Variants in AK3 observed in about 807,000 individuals in gnomAD.
The protein encoded by AK3 is GTP:AMP phosphotransferase AK3, mitochondrial.
Under a neutral mutation model 23.7 loss-of-function variants are expected in AK3, and 27 were observed. The ratio of observed to expected loss-of-function variants is 1.14; its 90% confidence interval spans 0.84 to 1.57. The LOEUF (loss-of-function observed/expected upper bound fraction) is 1.57. AK3 is among the 40% of genes most tolerant of loss of function. The probability of loss-of-function intolerance (pLI) is 0.00; values close to 1 mark genes in which losing one functional copy is unlikely to be tolerated. For missense variants in AK3, 406 were observed against 285.6 expected, an observed-to-expected ratio of 1.42 and a Z score of -3.04; for synonymous variants, 159 against 116.0, an observed-to-expected ratio of 1.37 and a Z score of -2.38.
Position 4,740,973 on chromosome 9 carries a change from C to G in AK3, c.115G>C (p.Gly39Arg). ...THFELKHLSS[G>R]DLLRDNMLRG... is the part of the protein sequence containing the mutation. Reference sequence around the variant, plus strand: ...AGCATGTTGTCCCGGAGCAGGTCCCCGCTGGAGAGGTGCTTCAGCTCGAAG... The same window carrying G: ...AGCATGTTGTCCCGGAGCAGGTCCCGGCTGGAGAGGTGCTTCAGCTCGAAG... The change falls in exon 1 of 5, where the codon GGG becomes CGG. Residue 39 changes from glycine (G) to arginine (R), a missense_variant. Physicochemically the swap from Gly to Arg is moderately radical, Grantham distance 125 (BLOSUM62 -2). Transcript: ENST00000381809. 6.3e-7 allele frequency: 1 copy of G among 1,586,098 alleles called. No homozygotes were observed. Among genetic ancestry groups the G allele is most frequent in the Non-Finnish European group, 8.6e-7 (1 of 1,168,494 alleles).
At position 4,719,302 on chromosome 9, in the gene AK3, G is replaced by T. The variant is rs1298278671; in HGVS notation, c.277C>A (p.Pro93Thr). Residue 93 changes from proline to threonine, a missense_variant, in exon 3 of 5, where the codon CCA becomes ACA. Transcript: ENST00000381809. Reference sequence around the variant, plus strand: ...GCTTCTGCCTGTGGAAGTGTCCTTGGAAAACCTTTATAAAGTAAAAAAGAA... The same window carrying T: ...GCTTCTGCCTGTGGAAGTGTCCTTGTAAAACCTTTATAAAGTAAAAAAGAA... ...TQYSWLLDGF[P>T]RTLPQAEALD... 1 of 1,273,214 alleles carries T rather than the reference G, an allele frequency of 7.9e-7. No individual in the cohort carries two copies. Among genetic ancestry groups the T allele is most frequent in the East Asian group, 5.5e-5 (1 of 18,156 alleles). 78.9% of individuals were successfully genotyped at this position (1,273,214 alleles called of 1,614,324 possible). A position where few individuals can be genotyped will look rare whatever the true frequency, so the allele number is the denominator to read the frequency against.
At position 4,712,757 on chromosome 9, in the gene AK3, G is replaced by A; in HGVS notation, c.*219C>T. 1 of 380,232 alleles carries A rather than the reference G, an allele frequency of 2.6e-6. No individual in the cohort carries two copies. The allele number at this position is 380,232 out of a possible 1,614,324, so 23.6% of individuals were successfully genotyped here. ...GTTCAGACATCGCTGATGTTTTTGAGGATAACTGCATACAACACACTAGAT... is the reference window on the plus strand; with the variant it reads ...GTTCAGACATCGCTGATGTTTTTGAAGATAACTGCATACAACACACTAGAT... On this transcript the variant is annotated 3_prime_UTR_variant, in exon 5 of 5. Coordinates refer to ENST00000381809, the MANE Select transcript of AK3 (RefSeq NM_016282.4).
At chr9:4,723,230 T>C (rs920896252) in intron 1 of AK3, among the ~76,000 whole-genome samples, 31 of 152,358 alleles carry the variant, frequency 2.0e-4, no homozygotes, top group African/African-American at 7.5e-4. Flanking sequence ...ATTGAGTGGT[T>C]TTGAAAATAT....
intron 1 of AK3, among the ~76,000 whole-genome samples, chr9:4,729,018 T>A (rs1444292333): frequency 8.9e-5 from 13 of 145,642 alleles, no homozygotes; most frequent in African/African-American, 3.0e-4. Flanking sequence ...TATATATATT[T>A]TTTTTTTTTG....
At chr9:4,721,322 G>C (rs1218610607) in intron 2 of AK3, among the ~76,000 whole-genome samples, 1 of 151,040 alleles carries the variant, frequency 6.6e-6, no homozygotes, top group Non-Finnish European at 1.5e-5. Context: ...AGAATCACTT[G>C]AACTGAGGAG....
rs159878 is a variant in AK3 at position 4,709,615 on chromosome 9, T to C, written c.*3361A>G. ...TATATGGAAAAATCAGTGTTTATAT[T>C]ATTTAGTGAGCTAAAAACAAATAAA... On this transcript the variant is annotated 3_prime_UTR_variant, in exon 5 of 5. Transcript: ENST00000381809. The C allele has an allele frequency of 0.62, 93,842 of 151,982 alleles. 30,838 individuals are homozygous for C. The highest frequency in any genetic ancestry group is 0.84 in the African/African-American group (34,958 of 41,482). 9.4% of individuals were successfully genotyped at this position (151,982 alleles called of 1,614,324 possible).
Position 4,712,217 on chromosome 9 carries a change from A to T in AK3, c.*759T>A, listed in dbSNP as rs1841579802. 6.6e-6 allele frequency: 1 copy of T among 152,196 alleles called. No homozygotes were observed. 9.4% of individuals were successfully genotyped at this position (152,196 alleles called of 1,614,324 possible). A position where few individuals can be genotyped will look rare whatever the true frequency, so the allele number is the denominator to read the frequency against. On this transcript the variant is annotated 3_prime_UTR_variant, in exon 5 of 5. Coordinates refer to ENST00000381809, the MANE Select transcript of AK3 (RefSeq NM_016282.4). The stretch of plus-strand genomic sequence containing the variant: ...CATAGACTTTAATTACATTTTGTTG[A>T]AAATTCATTCAACTTTGGTGCTTGT...
intron 1 of AK3, among the ~76,000 whole-genome samples, chr9:4,739,925 C>A (rs1329143082): frequency 3.3e-5 from 5 of 151,944 alleles, no homozygotes; most frequent in Admixed American, 6.6e-5. Context: ...AAAAAAGGTA[C>A]ACGTATCTGC....
Position 4,721,619 on chromosome 9 carries a change from C to T in AK3, c.271+887G>A, listed in dbSNP as rs150093731. On this transcript the variant is annotated intron_variant, in intron 2 of 4. Coordinates refer to ENST00000381809, the MANE Select transcript of AK3 (RefSeq NM_016282.4). ...GGTTACAGGTGTGCGCCATCACGCC[C>T]GGCTAATTTTTGTATTTTTAGTAGA... Among the ~76,000 whole-genome samples the T allele has an allele frequency of 9.5e-3, 1,448 of 151,962 alleles. 30 individuals carry two copies. Among genetic ancestry groups the T allele is most frequent in the African/African-American group, 0.034 (1,391 of 41,456 alleles).
chr9:4,741,507 CCT>C (rs199524238), upstream of AK3, among the ~76,000 whole-genome samples: 2,948 of 151,988 alleles, frequency 0.019, 108 homozygotes, highest in African/African-American at 0.067. Flanking sequence ...TACCTCCGCG[CCT>C]CTCCGCGACC....
In AK3 at chr9:4,719,140, T is replaced by G; in HGVS notation, c.439A>C (p.Thr147Pro). 6.2e-7 allele frequency: 1 copy of G among 1,611,554 alleles called. No homozygotes were observed. The highest frequency in any genetic ancestry group is 8.5e-7 in the Non-Finnish European group (1 of 1,179,748). The change falls in exon 3 of 5, where the codon ACT becomes CCT. Residue 147 changes from threonine to proline, a missense_variant. Physicochemically the swap from Thr to Pro is conservative, Grantham distance 38. Coordinates refer to ENST00000381809, the MANE Select transcript of AK3 (RefSeq NM_016282.4). ...GTTCCACAACAACTACTCACCACAG[T>G]TTTGGGAGGGTTGAATTCAATGTTA... is the stretch of plus-strand genomic sequence containing the variant. ...VYNIEFNPPK[T>P]VGIDDLTGEP...
chr9:4,740,558 C>T (rs964454501), intron 1 of AK3, among the ~76,000 whole-genome samples: 13 of 152,338 alleles, frequency 8.5e-5, no homozygotes, highest in Non-Finnish European at 1.5e-4. Flanking sequence ...TCTAGCAGGG[C>T]TAATGACAGT....
chr9:4,735,187 G>T (rs908499656), intron 1 of AK3, among the ~76,000 whole-genome samples: 2 of 146,036 alleles, frequency 1.4e-5, no homozygotes. Flanking sequence ...TTGAGGCTAG[G>T]AGTTCATGAC....
intron 1 of AK3, 72 bp from the exon 2 acceptor site, chr9:4,722,697 T>A (rs1841932823): frequency 6.3e-7 from 1 of 1,594,176 alleles, no homozygotes; most frequent in African/African-American, 1.3e-5. Context: ...CGGAACGAGT[T>A]GCCTAAAGGG....
intron 2 of AK3, among the ~76,000 whole-genome samples, chr9:4,721,791 A>C (rs1484378742): frequency 6.6e-6 from 1 of 152,186 alleles, no homozygotes; most frequent in Non-Finnish European, 1.5e-5. Flanking sequence ...CTTAGCACTT[A>C]TATCTGTGCT....
intron 1 of AK3, among the ~76,000 whole-genome samples, chr9:4,723,188 T>A (rs1194603935): frequency 6.6e-6 from 1 of 152,242 alleles, no homozygotes; most frequent in Non-Finnish European, 1.5e-5. Context: ...TATAGACCAA[T>A]ATGTTAACAG....
chr9:4,713,207 A>G (rs2130866555), intron 4 of AK3, 111 bp from the exon 5 acceptor site: 1 of 1,380,674 alleles, frequency 7.2e-7, no homozygotes, highest in Non-Finnish European at 9.6e-7. Context: ...AGTCTTGGTA[A>G]GTATAGATTT....
At chr9:4,721,291 T>C (rs1416820491) in intron 2 of AK3, among the ~76,000 whole-genome samples, 1 of 151,390 alleles carries the variant, frequency 6.6e-6, no homozygotes, top group Non-Finnish European at 1.5e-5. Flanking sequence ...TAATCCCAGC[T>C]ACTCAGGAGG....
intron 1 of AK3, among the ~76,000 whole-genome samples, chr9:4,725,645 T>C (rs901562999): frequency 3.3e-5 from 5 of 152,064 alleles, no homozygotes; most frequent in East Asian, 1.9e-4. Context: ...AGACAATGCA[T>C]AGCATGGGAT....
Sources: allele counts gnomAD v4.1 joint callset (sites outside exome capture counted in the v4.1 genomes callset), GRCh38; gene constraint gnomAD v4.1.1; transcripts MANE v1.5; gene names NCBI Gene and HGNC (gene_info 2026-07-23, HGNC 2026-07-21).